The following TMEM14A variants were observed in gnomAD, a reference collection of about 807,000 sequenced individuals.
TMEM14A encodes the protein transmembrane protein 14A.
Under a neutral mutation model 11.6 loss-of-function variants are expected in TMEM14A, and 8 were observed. The observed-to-expected ratio is 0.69, with a 90% CI of 0.40 to 1.24. The LOEUF is 1.24. Among genes scored for constraint, TMEM14A ranks in the 50% most tolerant of loss-of-function variants. TMEM14A has a pLI of 0.01. For missense variants in TMEM14A, 108 were observed against 121.9 expected (o/e 0.89, Z 0.54); for synonymous variants, 34 against 45.5 (o/e 0.75, Z 1.02).
intron 1 of TMEM14A, among the ~76,000 whole-genome samples, chr6:52,672,791 T>G (rs1769186664): frequency 6.6e-6 from 1 of 152,238 alleles, no homozygotes; most frequent in African/African-American, 2.4e-5. Context: ...CGTTATCAAC[T>G]AAGCTCTTGC....
At chr6:52,677,659 G>A (rs1480378599) in intron 2 of TMEM14A, among the ~76,000 whole-genome samples, 1 of 152,008 alleles carries the variant, frequency 6.6e-6, no homozygotes, top group Non-Finnish European at 1.5e-5. Flanking sequence ...TGGAGAAAAA[G>A]GAAAGGTCAA....
chr6:52,672,637 C>G (rs1288071208), intron 1 of TMEM14A, among the ~76,000 whole-genome samples: 1 of 152,154 alleles, frequency 6.6e-6, no homozygotes, highest in Non-Finnish European at 1.5e-5. Flanking sequence ...ATGGTCTAAG[C>G]CAGATACCTA....
intron 4 of TMEM14A, 30 bp downstream of exon 4, chr6:52,684,195 C>A (rs767210638): frequency 6.3e-7 from 1 of 1,587,336 alleles, no homozygotes; most frequent in East Asian, 2.2e-5. Context: ...TCAATACTTT[C>A]CTCTGCTGTT....
intron 2 of TMEM14A, among the ~76,000 whole-genome samples, chr6:52,680,691 G>GTGTGTGTGTATATA (rs758417981): frequency 2.8e-5 from 1 of 35,318 alleles, no homozygotes; most frequent in African/African-American, 7.6e-5. Flanking sequence ...ATACATATAT[G>GTGTGTGTGTATATA]TATATATATA....
intron 3 of TMEM14A, 119 bp from the exon 4 acceptor site, chr6:52,683,959 A>G (rs1769443633): frequency 6.4e-6 from 6 of 930,742 alleles, no homozygotes; most frequent in African/African-American, 1.7e-5. Context: ...GACAATGGCA[A>G]CTCAGTACCT....
At chr6:52,684,543 T>C (rs1769457962) in intron 4 of TMEM14A, among the ~76,000 whole-genome samples, 1 of 152,228 alleles carries the variant, frequency 6.6e-6, no homozygotes, top group African/African-American at 2.4e-5. Flanking sequence ...GATACAGTTA[T>C]TTCAAGTTTT....
At chr6:52,678,921 G>C (rs60201219) in intron 2 of TMEM14A, among the ~76,000 whole-genome samples, 8,382 of 152,256 alleles carry the variant, frequency 0.055, 348 homozygotes, top group South Asian at 0.18. Context: ...GAATGTCTTA[G>C]AATGTGTGTG....
At chr6:52,679,021 T>C (rs1054569331) in intron 2 of TMEM14A, among the ~76,000 whole-genome samples, 3 of 152,330 alleles carry the variant, frequency 2.0e-5, no homozygotes, top group East Asian at 1.9e-4. Flanking sequence ...GGGACAGTTA[T>C]TGAGAATAAT....
chr6:52,675,883 T>G (rs1009446598), intron 1 of TMEM14A, among the ~76,000 whole-genome samples: 2 of 152,202 alleles, frequency 1.3e-5, no homozygotes, highest in Non-Finnish European at 2.9e-5. Context: ...AGGCATTTGC[T>G]CCAGATCACT....
At chr6:52,680,707 A>ATATATG (rs1305349150) in intron 2 of TMEM14A, among the ~76,000 whole-genome samples, 8 of 118,318 alleles carry the variant, frequency 6.8e-5, no homozygotes, top group East Asian at 5.3e-4. Flanking sequence ...ATATATATAC[A>ATATATG]CATATATATA....
intron 2 of TMEM14A, among the ~76,000 whole-genome samples, chr6:52,680,283 T>A (rs1231383088): frequency 6.6e-6 from 1 of 151,724 alleles, no homozygotes; most frequent in Non-Finnish European, 1.5e-5. Flanking sequence ...GAGCTACACT[T>A]GGCCAAGTGA....
chr6:52,677,501 C>T (rs1456189436), intron 2 of TMEM14A, among the ~76,000 whole-genome samples: 2 of 149,556 alleles, frequency 1.3e-5, no homozygotes, highest in Non-Finnish European at 3.0e-5. Context: ...TTTACATAAT[C>T]GTGGTACCAA....
intron 2 of TMEM14A, among the ~76,000 whole-genome samples, chr6:52,680,704 T>TATATATACATACAC (rs371102796): frequency 2.0e-5 from 1 of 51,100 alleles, no homozygotes; most frequent in Non-Finnish European, 4.4e-5. Flanking sequence ...TATATATATA[T>TATATATACATACAC]ACACATATAT....
chr6:52,680,635 ATGTGTGTATATATATGTGTGTG>A (rs1769354668), intron 2 of TMEM14A, among the ~76,000 whole-genome samples: 1 of 101,580 alleles, frequency 9.8e-6, no homozygotes, highest in Non-Finnish European at 2.1e-5. Flanking sequence ...GTATATATAT[ATGTGTGTATATATATGTGTGTG>A]TATATATATG....
chr6:52,684,057 A>T, intron 3 of TMEM14A, 21 bp from the exon 4 acceptor site: 1 of 1,608,170 alleles, frequency 6.2e-7, no homozygotes, highest in Non-Finnish European at 8.5e-7. Context: ...ACTCTGGTTC[A>T]TGAATTAGTT....
chr6:52,683,713 G>A (rs1190568377), intron 3 of TMEM14A, among the ~76,000 whole-genome samples: 1 of 150,728 alleles, frequency 6.6e-6, no homozygotes, highest in East Asian at 2.0e-4. Context: ...CCCGGTTCAA[G>A]CAATTCTCCT....
intron 2 of TMEM14A, among the ~76,000 whole-genome samples, chr6:52,680,619 A>T (rs1769353077): frequency 1.8e-5 from 2 of 112,996 alleles, no homozygotes; most frequent in East Asian, 3.0e-4. Flanking sequence ...ATATGTATAT[A>T]TATGTGTATA....
chr6:52,685,624 T>G (rs562017345), intron 4 of TMEM14A, among the ~76,000 whole-genome samples: 42 of 151,966 alleles, frequency 2.8e-4, no homozygotes, highest in African/African-American at 1.0e-3. Context: ...GAAGTAGGGT[T>G]TATGGATCCG....
chr6:52,679,243 C>T (rs927231561), intron 2 of TMEM14A, among the ~76,000 whole-genome samples: 1 of 152,150 alleles, frequency 6.6e-6, no homozygotes, highest in Non-Finnish European at 1.5e-5. Context: ...GCTCACCCCT[C>T]CTCCCAGGTA....
Sources: allele counts gnomAD v4.1 joint callset (sites outside exome capture counted in the v4.1 genomes callset), GRCh38; gene constraint gnomAD v4.1.1; transcripts MANE v1.5; gene names NCBI Gene and HGNC (gene_info 2026-07-23, HGNC 2026-07-21).